The following MTUS2 variants were observed in gnomAD, a reference collection of about 807,000 sequenced individuals.
MTUS2 encodes the protein microtubule-associated tumor suppressor candidate 2.
A neutral mutation model predicts 114.1 loss-of-function variants in MTUS2; 40 were observed. The observed-to-expected ratio is 0.35, with a 90% confidence interval of 0.27 to 0.46. The LOEUF (loss-of-function observed/expected upper bound fraction) is 0.46. Among genes scored for constraint, MTUS2 ranks in the 20% least tolerant of loss-of-function variants. The probability of loss-of-function intolerance (pLI) is 1.00; values close to 1 mark genes in which losing one functional copy is unlikely to be tolerated. For synonymous variants in MTUS2, 688 were observed against 672.0 expected, an observed-to-expected ratio of 1.02 and a Z score of -0.37; for missense variants, 1,679 against 1,705.4, an observed-to-expected ratio of 0.98 and a Z score of 0.27.
intron 2 of MTUS2, among the ~76,000 whole-genome samples, chr13:28,982,570 C>A (rs1335735916): frequency 2.6e-5 from 4 of 152,142 alleles, no homozygotes; most frequent in African/African-American, 9.7e-5. Flanking sequence ...ATTTGTAGAC[C>A]TCTGTTCACA....
intron 2 of MTUS2, among the ~76,000 whole-genome samples, chr13:28,965,827 A>G (rs1471332587): frequency 6.6e-6 from 1 of 152,146 alleles, no homozygotes; most frequent in African/African-American, 2.4e-5. Flanking sequence ...CAGTCAACTG[A>G]TTGGATGTGG....
At chr13:29,113,924 C>A (rs1037945001) in intron 5 of MTUS2, among the ~76,000 whole-genome samples, 2 of 152,056 alleles carry the variant, frequency 1.3e-5, no homozygotes, top group African/African-American at 4.8e-5. Context: ...TAAATGGCTT[C>A]GCACCATCCC....
intron 2 of MTUS2, among the ~76,000 whole-genome samples, chr13:28,879,333 G>A (rs1474870726): frequency 6.6e-6 from 1 of 152,156 alleles, no homozygotes. Flanking sequence ...TGGTGGATAG[G>A]AAAACTCAAG....
chr13:29,081,859 C>A (rs1450880737), intron 4 of MTUS2, among the ~76,000 whole-genome samples: 1 of 151,906 alleles, frequency 6.6e-6, no homozygotes, highest in Non-Finnish European at 1.5e-5. Flanking sequence ...TTGACTAGAC[C>A]AGAGTGTCAG....
At chr13:29,054,270 C>T (rs1195500399) in intron 4 of MTUS2, among the ~76,000 whole-genome samples, 1 of 151,502 alleles carries the variant, frequency 6.6e-6, no homozygotes, top group Non-Finnish European at 1.5e-5. Context: ...TGTTTTTTTC[C>T]CAAGTATTAT....
At chr13:29,307,086 C>T in intron 6 of MTUS2, 1 of 481,510 alleles carries the variant, frequency 2.1e-6, no homozygotes, top group Admixed American at 2.3e-5. Context: ...GCATCTTCAC[C>T]ATCATGGAGA....
At chr13:29,457,977 C>G (rs931094522) in intron 9 of MTUS2, among the ~76,000 whole-genome samples, 6 of 152,170 alleles carry the variant, frequency 3.9e-5, no homozygotes, top group African/African-American at 1.4e-4. Context: ...TGGTCTTGAT[C>G]TCCTGACCTC....
At chr13:28,850,968 G>A (rs1177855870) in intron 2 of MTUS2, among the ~76,000 whole-genome samples, 1 of 152,176 alleles carries the variant, frequency 6.6e-6, no homozygotes, top group African/African-American at 2.4e-5. Flanking sequence ...GTGCAGCTGA[G>A]TGTATCTCTC....
chr13:28,959,849 C>G lies in MTUS2; in HGVS notation c.-242-64608C>G, dbSNP rs112530251. ...TTTGGAGGGGACAAAACGTCCAAAC[C>G]GTATCACACCACCTGTCAGTAATGT... On this transcript the variant is annotated intron_variant, in intron 2 of 15. Coordinates refer to ENST00000612955, the MANE Select transcript of MTUS2 (RefSeq NM_001033602.4). Among the ~76,000 whole-genome samples the G allele has an allele frequency of 8.8e-3, 1,345 of 152,298 alleles. 15 individuals are homozygous for G. The highest frequency in any genetic ancestry group is 0.03 in the African/African-American group (1,232 of 41,566).
intron 3 of MTUS2, among the ~76,000 whole-genome samples, chr13:29,031,303 TTA>T (rs1246287640): frequency 3.0e-4 from 3 of 9,976 alleles, no homozygotes; most frequent in Admixed American, 1.6e-3. Context: ...TCATCTATAC[TTA>T]TGTCTCTCAA....
At chr13:28,884,257 A>G (rs776650993) in intron 2 of MTUS2, among the ~76,000 whole-genome samples, 4 of 152,232 alleles carry the variant, frequency 2.6e-5, no homozygotes, top group Non-Finnish European at 4.4e-5. Flanking sequence ...ATGCTGAGGT[A>G]TGAACGAACC....
intron 2 of MTUS2, among the ~76,000 whole-genome samples, chr13:28,880,098 A>G (rs985035051): frequency 1.3e-5 from 2 of 152,168 alleles, no homozygotes; most frequent in African/African-American, 2.4e-5. Flanking sequence ...TTTCACCAAC[A>G]TGTTGTCTCA....
At chr13:29,274,855 A>T (rs1898002886) in intron 5 of MTUS2, among the ~76,000 whole-genome samples, 1 of 152,026 alleles carries the variant, frequency 6.6e-6, no homozygotes, top group South Asian at 2.1e-4. Context: ...CCAGCCTCCC[A>T]AGTAGCTGGG....
intron 9 of MTUS2, among the ~76,000 whole-genome samples, chr13:29,470,628 G>A (rs1219589207): frequency 2.6e-5 from 4 of 152,294 alleles, no homozygotes; most frequent in African/African-American, 7.2e-5. Context: ...AGCTTCATTC[G>A]TTCCTGTTAT....
intron 8 of MTUS2, among the ~76,000 whole-genome samples, chr13:29,389,416 T>TATATATGTATATGTATACAC (rs1460797625): frequency 1.3e-5 from 1 of 74,970 alleles, no homozygotes; most frequent in African/African-American, 5.9e-5. Flanking sequence ...TACACGTGTG[T>TATATATGTATATGTATACAC]GTGTATGTAT....
intron 11 of MTUS2, 31 bp from the exon 12 acceptor site, chr13:29,492,615 C>A (rs1238616943): frequency 1.3e-6 from 2 of 1,575,374 alleles, no homozygotes; most frequent in Non-Finnish European, 1.7e-6. Flanking sequence ...AAAAGAAAGA[C>A]CAACTTGACA....
intron 4 of MTUS2, among the ~76,000 whole-genome samples, chr13:29,037,225 G>C (rs1887123054): frequency 6.6e-6 from 1 of 152,180 alleles, no homozygotes; most frequent in Non-Finnish European, 1.5e-5. Context: ...CAATCTCTCA[G>C]CATTTGCTTG....
chr13:29,290,369 T>G (rs995861400), intron 6 of MTUS2, among the ~76,000 whole-genome samples: 5 of 151,936 alleles, frequency 3.3e-5, no homozygotes, highest in Non-Finnish European at 7.4e-5. Context: ...TTGCTCTGTC[T>G]CCCAGGCTGG....
intron 7 of MTUS2, among the ~76,000 whole-genome samples, chr13:29,353,354 A>G (rs1312536233): frequency 6.6e-6 from 1 of 152,126 alleles, no homozygotes; most frequent in Non-Finnish European, 1.5e-5. Flanking sequence ...AGGATTTTGT[A>G]CAGACAAGGT....
Sources: allele counts gnomAD v4.1 joint callset (sites outside exome capture counted in the v4.1 genomes callset), GRCh38; gene constraint gnomAD v4.1.1; transcripts MANE v1.5; gene names NCBI Gene and HGNC (gene_info 2026-07-23, HGNC 2026-07-21).